Variants in SCLT1 observed in about 807,000 individuals in gnomAD.
SCLT1 encodes the protein sodium channel and clathrin linker 1.
In SCLT1, 78 loss-of-function variants were observed where a neutral mutation model predicts 112.8. That is an observed-to-expected ratio of 0.69 (90% CI 0.58 to 0.83). The LOEUF (loss-of-function observed/expected upper bound fraction) is 0.83, where lower values mean the gene tolerates loss of function less well. SCLT1 is among the 40% of genes least tolerant of loss of function. The pLI, the probability that SCLT1 is intolerant of heterozygous loss-of-function variation, is 0.00. For synonymous variants in SCLT1, 257 were observed against 254.7 expected (o/e 1.01, Z -0.09); for missense variants, 747 against 770.4 (o/e 0.97, Z 0.36).
chr4:128,948,277 A>G (rs533137534), intron 15 of SCLT1, among the ~76,000 whole-genome samples: 1 of 141,230 alleles, frequency 7.1e-6, no homozygotes, highest in African/African-American at 2.6e-5. Flanking sequence ...TGGAGGTTGC[A>G]GTGAGCCGAG....
rs538071551 is a variant in SCLT1, at chr4:128,989,156, T to A, written c.686+3011A>T. ...TAATAAACATTTACAGAATATTTCA[T>A]CCAACAGGTGAAAAATATATGTTTT... On this transcript the variant is annotated intron_variant, in intron 9 of 20. Transcript: ENST00000281142. Among the ~76,000 whole-genome samples the A allele has an allele frequency of 1.1e-4, 16 of 152,032 alleles. No homozygotes were observed. The East Asian group carries it at 2.9e-3, about 27-fold the overall frequency.
At chr4:128,873,520 G>A (rs1732362968) in intron 5 of SCLT1, 1 of 152,546 alleles carries the variant, frequency 6.6e-6, no homozygotes, top group South Asian at 2.1e-4. Flanking sequence ...AATAAATTTA[G>A]CATTAAATTT....
intron 1 of SCLT1, among the ~76,000 whole-genome samples, chr4:129,084,606 T>C (rs1752237541): frequency 6.6e-6 from 1 of 152,052 alleles, no homozygotes; most frequent in Non-Finnish European, 1.5e-5. Flanking sequence ...GCATCATGTT[T>C]CCTAACTTAG....
chr4:128,940,348 A>C (rs979757088), intron 17 of SCLT1, among the ~76,000 whole-genome samples: 6 of 152,026 alleles, frequency 3.9e-5, no homozygotes, highest in African/African-American at 1.4e-4. Flanking sequence ...AAATGATGGA[A>C]GATACAAAGC....
At chr4:129,047,150 G>A (rs766227378) in intron 2 of SCLT1, among the ~76,000 whole-genome samples, 12 of 151,934 alleles carry the variant, frequency 7.9e-5, no homozygotes, top group Admixed American at 2.6e-4. Flanking sequence ...CAGTTATTTC[G>A]TTTATGATTA....
intron 18 of SCLT1, among the ~76,000 whole-genome samples, chr4:128,924,415 TG>T: frequency 6.6e-6 from 1 of 151,996 alleles, no homozygotes; most frequent in South Asian, 2.1e-4. Flanking sequence ...ATTACAAGTG[TG>T]GGCCACTATA....
rs1221358723 is a variant in SCLT1 at position 128,997,898 on chromosome 4, A to T, written c.591T>A (p.His197Gln). 1.3e-6 allele frequency: 2 copies of T among 1,513,208 alleles called. No individual in the cohort carries two copies. The highest frequency in any genetic ancestry group is 1.8e-6 in the Non-Finnish European group (2 of 1,123,516). 93.7% of individuals were successfully genotyped at this position (1,513,208 alleles called of 1,614,324 possible). The part of the protein sequence containing the change: ...FDFQQLTKQL[H>Q]VTNENMEVTN... Reference sequence around the variant, plus strand: ...CCACTTCCATGTTCTCATTAGTAACATGAAGTTGTTTGGTCAGTTGTTGAA... The same window carrying T: ...CCACTTCCATGTTCTCATTAGTAACTTGAAGTTGTTTGGTCAGTTGTTGAA... Residue 197 changes from histidine to glutamine, a missense_variant, in exon 8 of 21, where the codon CAT becomes CAA. This residue lies in a region of SCLT1 where 723 missense variants were observed against 721.3 expected (regional missense o/e 1.00). Coordinates refer to ENST00000281142, the MANE Select transcript of SCLT1 (RefSeq NM_144643.4).
intron 5 of SCLT1, among the ~76,000 whole-genome samples, chr4:129,038,495 T>C (rs527508666): frequency 1.3e-5 from 2 of 152,208 alleles, no homozygotes; most frequent in South Asian, 4.1e-4. Context: ...GTATATCGCT[T>C]GGAGATACAC....
At chr4:129,055,061 C>T (rs189354161) in intron 2 of SCLT1, among the ~76,000 whole-genome samples, 6 of 152,310 alleles carry the variant, frequency 3.9e-5, no homozygotes, top group African/African-American at 1.4e-4. Context: ...CCACTCCAGA[C>T]CTTGTTTTCC....
chr4:128,889,376 A>T (rs979649829), intron 19 of SCLT1, among the ~76,000 whole-genome samples: 3 of 152,244 alleles, frequency 2.0e-5, no homozygotes, highest in African/African-American at 4.8e-5. Context: ...ACACACATGT[A>T]CAAAGGAAAG....
At chr4:128,924,731 G>T (rs1736157280) in intron 18 of SCLT1, among the ~76,000 whole-genome samples, 1 of 151,956 alleles carries the variant, frequency 6.6e-6, no homozygotes. Context: ...TTATTTTTGT[G>T]TATGGTGTGA....
chr4:129,032,005 G>A (rs766947999), intron 5 of SCLT1, among the ~76,000 whole-genome samples: 4 of 151,946 alleles, frequency 2.6e-5, no homozygotes, highest in African/African-American at 7.3e-5. Flanking sequence ...ACAATCCTAA[G>A]CAAAAAGAAC....
At position 128,955,745 on chromosome 4, in the gene SCLT1, A is replaced by G. The variant is rs1275228534; in HGVS notation, c.1146+1281T>C. Among the ~76,000 whole-genome samples, 4 of 152,328 alleles carry G rather than the reference A, an allele frequency of 2.6e-5. No individual in the cohort carries two copies. The South Asian group carries it at 6.2e-4, about 24-fold the overall frequency. On this transcript the variant is annotated intron_variant, in intron 13 of 20. Coordinates refer to ENST00000281142, the MANE Select transcript of SCLT1 (RefSeq NM_144643.4). ...TTTTATACATATTTTTCATTTATACATATTTTCTCATACATATTTTCCATT... is the reference window on the plus strand; with the variant it reads ...TTTTATACATATTTTTCATTTATACGTATTTTCTCATACATATTTTCCATT...
chr4:128,958,693 A>G (rs1164510473), intron 12 of SCLT1, among the ~76,000 whole-genome samples: 2 of 152,204 alleles, frequency 1.3e-5, no homozygotes, highest in Non-Finnish European at 2.9e-5. Context: ...ATTCCCAAGC[A>G]TATTATGTCT....
chr4:128,890,873 T>C (rs1245569418), intron 19 of SCLT1, among the ~76,000 whole-genome samples, 186 bp downstream of exon 19: 2 of 152,236 alleles, frequency 1.3e-5, no homozygotes, highest in African/African-American at 4.8e-5. Flanking sequence ...TATTTACATA[T>C]GATGAATCAC....
intron 5 of SCLT1, among the ~76,000 whole-genome samples, chr4:129,015,860 G>C (rs1744944774): frequency 6.6e-6 from 1 of 152,042 alleles, no homozygotes. Flanking sequence ...CCTTCCTTCT[G>C]AGAATCTGTT....
intron 5 of SCLT1, among the ~76,000 whole-genome samples, chr4:129,014,325 G>C (rs1744804319): frequency 6.6e-6 from 1 of 152,062 alleles, no homozygotes; most frequent in African/African-American, 2.4e-5. Context: ...AGCCATCTTA[G>C]TCCAGTTCTG....
chr4:128,952,934 A>T, intron 13 of SCLT1, 94 bp from the exon 14 acceptor site: 1 of 725,810 alleles, frequency 1.4e-6, no homozygotes. Flanking sequence ...TGATAAAAAT[A>T]AAATTGTAAC....
intron 9 of SCLT1, among the ~76,000 whole-genome samples, chr4:128,987,492 C>T (rs1293110112): frequency 6.6e-6 from 1 of 151,958 alleles, no homozygotes; most frequent in African/African-American, 2.4e-5. Context: ...AGAAATTTGA[C>T]AAAGATTGAA....
Sources: allele counts gnomAD v4.1 joint callset (sites outside exome capture counted in the v4.1 genomes callset), GRCh38; gene constraint gnomAD v4.1.1; regional missense constraint gnomAD v4.1.1; transcripts MANE v1.5; gene names NCBI Gene and HGNC (gene_info 2026-07-23, HGNC 2026-07-21).